Variants in PRMT8 observed in about 807,000 individuals in gnomAD.
The protein encoded by PRMT8 is protein arginine N-methyltransferase 8.
Under a neutral mutation model 47.1 loss-of-function variants are expected in PRMT8, and 7 were observed. The ratio of observed to expected loss-of-function variants is 0.15; its 90% confidence interval spans 0.08 to 0.28. The LOEUF is 0.28. Ranked by LOEUF, PRMT8 falls within the 10% of genes least tolerant of loss-of-function variation. The pLI is 1.00. For missense variants in PRMT8, 237 were observed against 505.4 expected (o/e 0.47, Z 5.09); for synonymous variants, 188 against 186.5 (o/e 1.01, Z -0.07).
At chr12:3,401,147 CAAAAAAAAAA>C (rs34492092) in intron 1 of PRMT8, among the ~76,000 whole-genome samples, 2 of 46,046 alleles carry the variant, frequency 4.3e-5, no homozygotes, top group South Asian at 2.0e-3. Context: ...AACTCCATCT[CAAAAAAAAAA>C]AAAAAAAAAA....
At chr12:3,451,666 T>C (rs896761284) in intron 1 of PRMT8, among the ~76,000 whole-genome samples, 1 of 152,142 alleles carries the variant, frequency 6.6e-6, no homozygotes, top group Non-Finnish European at 1.5e-5. Context: ...ATAGAGTTGG[T>C]TAGCCGAGAG....
At chr12:3,444,888 G>A (rs781309443) in intron 1 of PRMT8, among the ~76,000 whole-genome samples, 2 of 152,244 alleles carry the variant, frequency 1.3e-5, no homozygotes, top group Non-Finnish European at 2.9e-5. Flanking sequence ...CGGGGCTATG[G>A]CGTTGCAAGG....
intron 4 of PRMT8, among the ~76,000 whole-genome samples, chr12:3,560,172 G>A (rs560553081): frequency 6.6e-6 from 1 of 152,332 alleles, no homozygotes; most frequent in East Asian, 1.9e-4. Context: ...GCCTTGGTGT[G>A]TGTACTCAGA....
intron 1 of PRMT8, among the ~76,000 whole-genome samples, chr12:3,472,849 A>G (rs1053308898): frequency 3.3e-5 from 5 of 152,140 alleles, no homozygotes; most frequent in Admixed American, 2.6e-4. Flanking sequence ...CGGCCAGGCT[A>G]AAGTGTCTGG....
rs773728085 is a variant in PRMT8, at chr12:3,583,297, G to A, written c.979+89G>A. On this transcript the variant is annotated intron_variant, in intron 8 of 9. Coordinates refer to ENST00000382622, the MANE Select transcript of PRMT8 (RefSeq NM_019854.5). This position sits in a 1 kb window ranked among gnomAD's most constrained non-coding sequence, Gnocchi z 4.7. ...GTGACCAGAGCTGGCCTTGACTTGG[G>A]GAGAAGGGGCTGGGTGTTAGCTGGG... The A allele has an allele frequency of 2.1e-5, 30 of 1,415,128 alleles. No homozygotes were observed. Among genetic ancestry groups the A allele is most frequent in the Non-Finnish European group, 2.9e-5 (30 of 1,049,496 alleles). 87.7% of individuals were successfully genotyped at this position (1,415,128 alleles called of 1,614,324 possible). A position where few individuals can be genotyped will look rare whatever the true frequency, so the allele number is the denominator to read the frequency against.
At chr12:3,512,781 A>G (rs2137131364) in intron 1 of PRMT8, among the ~76,000 whole-genome samples, 1 of 152,306 alleles carries the variant, frequency 6.6e-6, no homozygotes. Context: ...TGTTGGTGGA[A>G]TGAATGAATG....
chr12:3,459,223 G>T (rs922190102), intron 1 of PRMT8, among the ~76,000 whole-genome samples: 20 of 152,176 alleles, frequency 1.3e-4, no homozygotes, highest in African/African-American at 4.8e-4. Flanking sequence ...GGAGGAAACA[G>T]CTCCAGACTT....
chr12:3,458,121 G>A (rs554254939), intron 1 of PRMT8, among the ~76,000 whole-genome samples: 3 of 152,202 alleles, frequency 2.0e-5, no homozygotes, highest in African/African-American at 4.8e-5. Flanking sequence ...GATTACAGGC[G>A]TGAGCATGCC....
chr12:3,556,896 C>T (rs1462020761), intron 4 of PRMT8, among the ~76,000 whole-genome samples: 1 of 152,120 alleles, frequency 6.6e-6, no homozygotes, highest in Non-Finnish European at 1.5e-5. Context: ...GTGGGGTGGT[C>T]TTTGCCTTGC....
chr12:3,434,896 C>T (rs188656397), intron 1 of PRMT8, among the ~76,000 whole-genome samples: 6 of 151,656 alleles, frequency 4.0e-5, no homozygotes, highest in South Asian at 2.1e-4. Context: ...GCTCCATAGA[C>T]GCCCTCACTC....
At chr12:3,491,958 T>G (rs1865419210) in intron 1 of PRMT8, among the ~76,000 whole-genome samples, 1 of 150,460 alleles carries the variant, frequency 6.6e-6, no homozygotes, top group African/African-American at 2.5e-5. Context: ...ACAGTCACTC[T>G]CACCCCATCA....
At chr12:3,431,852 G>T (rs74057405) in intron 1 of PRMT8, among the ~76,000 whole-genome samples, 6 of 152,196 alleles carry the variant, frequency 3.9e-5, no homozygotes, top group Admixed American at 2.0e-4. Context: ...GTGTGGCATC[G>T]CAGGGAGCTG....
At chr12:3,547,701 G>A (rs1365740012) in intron 2 of PRMT8, among the ~76,000 whole-genome samples, 2 of 152,140 alleles carry the variant, frequency 1.3e-5, no homozygotes, top group African/African-American at 4.8e-5. Flanking sequence ...AAATAAAATA[G>A]TTGAATGGAA....
Position 3,556,921 on chromosome 12 carries a change from G to A in PRMT8, c.481+3207G>A, listed in dbSNP as rs976686142. ...CTTTGCCTTGCACAGGTGGAGAGGC[G>A]GCCTTTGCCTTGGGGCAGGGACAGT... On this transcript the variant is annotated intron_variant, in intron 4 of 9. Coordinates refer to ENST00000382622, the MANE Select transcript of PRMT8 (RefSeq NM_019854.5). 3.3e-5 allele frequency among the ~76,000 whole-genome samples: 5 copies of A among 152,294 alleles called. No individual in the cohort carries two copies. In the East Asian group the frequency reaches 5.8e-4, roughly 18 times the overall value.
chr12:3,396,572 C>G (rs542000832), intron 1 of PRMT8, among the ~76,000 whole-genome samples: 1 of 152,258 alleles, frequency 6.6e-6, no homozygotes, highest in South Asian at 2.1e-4. Context: ...GAGTTTCTGC[C>G]GAAAGATCCA....
At chr12:3,553,246 G>A (rs953850322) in intron 3 of PRMT8, 2 of 254,180 alleles carry the variant, frequency 7.9e-6, no homozygotes, top group African/African-American at 2.2e-5. Context: ...GGGCTGGGCT[G>A]CGGTGGGGAG....
rs1381634730 is a variant in PRMT8 at position 3,566,562 on chromosome 12, C to T, written c.482-2144C>T. Reference sequence around the variant, plus strand: ...ATCCAATTAAAGCTTGATTAAATACCACATAGTGGAGAGTAAACTGTTATT... The same window carrying T: ...ATCCAATTAAAGCTTGATTAAATACTACATAGTGGAGAGTAAACTGTTATT... On this transcript the variant is annotated intron_variant, in intron 4 of 9. Transcript: ENST00000382622. The surrounding 1 kb of genome is among the most constrained non-coding windows in gnomAD (Gnocchi z 4.7). Among the ~76,000 whole-genome samples, 1 of 152,190 alleles carries T rather than the reference C, an allele frequency of 6.6e-6. No individual in the cohort carries two copies. The highest frequency in any genetic ancestry group is 6.5e-5 in the Admixed American group (1 of 15,276).
chr12:3,593,460 C>G lies in PRMT8; in HGVS notation c.*278C>G. On this transcript the variant is annotated 3_prime_UTR_variant, in exon 10 of 10. Transcript: ENST00000382622. The surrounding 1 kb of genome is among the most constrained non-coding windows in gnomAD (Gnocchi z 4.8). ...TGTGGCTGGGCCCCGAGGGTGGAAA[C>G]GTATTCGCGTCTCCCCGTCTCCTCC... 1 of 433,890 alleles carries G rather than the reference C, an allele frequency of 2.3e-6. No homozygotes were observed. The highest frequency in any genetic ancestry group is 4.1e-6 in the Non-Finnish European group (1 of 242,606). 26.9% of individuals were successfully genotyped at this position (433,890 alleles called of 1,614,324 possible). A position where few individuals can be genotyped will look rare whatever the true frequency, so the allele number is the denominator to read the frequency against.
At chr12:3,437,061 T>C (rs1864751045) in intron 1 of PRMT8, among the ~76,000 whole-genome samples, 1 of 152,220 alleles carries the variant, frequency 6.6e-6, no homozygotes, top group Admixed American at 6.5e-5. Context: ...ACAATTCAAA[T>C]GACAGCTGGA....
Sources: gnomAD v4.1 joint callset for allele counts (sites outside exome capture counted in the v4.1 genomes callset) on GRCh38, gnomAD v4.1.1 for gene constraint, Gnocchi (gnomAD v3.1) non-coding constraint, MANE v1.5 for transcripts, NCBI Gene and HGNC (gene_info 2026-07-23, HGNC 2026-07-21) for gene names.